Variants in PHLDB2 observed in about 807,000 individuals in gnomAD.
PHLDB2 encodes pleckstrin homology like domain family B member 2.
Under a neutral mutation model 123.6 loss-of-function variants are expected in PHLDB2, and 71 were observed. That is an observed-to-expected ratio of 0.57 (90% CI 0.47 to 0.70). The LOEUF (loss-of-function observed/expected upper bound fraction) is 0.70. Ranked by LOEUF, PHLDB2 falls within the 30% of genes least tolerant of loss-of-function variation. The pLI, the probability that PHLDB2 is intolerant of heterozygous loss-of-function variation, is 0.00. For missense variants in PHLDB2, 1,446 were observed against 1,519.5 expected (o/e 0.95, Z 0.80); for synonymous variants, 547 against 541.6 (o/e 1.01, Z -0.14).
At chr3:111,816,429 T>A (rs1403768232) in intron 1 of PHLDB2, among the ~76,000 whole-genome samples, 1 of 152,216 alleles carries the variant, frequency 6.6e-6, no homozygotes, top group African/African-American at 2.4e-5. Context: ...ACCTCTTGCA[T>A]CAGCGTGACC....
At chr3:111,886,712 A>G (rs568993294) in intron 2 of PHLDB2, among the ~76,000 whole-genome samples, 1 of 152,370 alleles carries the variant, frequency 6.6e-6, no homozygotes, top group East Asian at 1.9e-4. Flanking sequence ...GAATGAAAAC[A>G]AATGTGCATA....
intron 1 of PHLDB2, among the ~76,000 whole-genome samples, chr3:111,732,899 T>G (rs1430376669): frequency 6.6e-6 from 1 of 152,196 alleles, no homozygotes; most frequent in Non-Finnish European, 1.5e-5. Flanking sequence ...TTCTATCTCT[T>G]CTGAAAATTG....
At chr3:111,905,864 C>T (rs956727615) in intron 2 of PHLDB2, among the ~76,000 whole-genome samples, 7 of 151,680 alleles carry the variant, frequency 4.6e-5, no homozygotes, top group Admixed American at 4.6e-4. Flanking sequence ...TTACGTTTTT[C>T]AGGTTAGAGA....
At chr3:111,825,064 G>T (rs1034148971) in intron 1 of PHLDB2, among the ~76,000 whole-genome samples, 1 of 152,182 alleles carries the variant, frequency 6.6e-6, no homozygotes, top group Non-Finnish European at 1.5e-5. Flanking sequence ...CCCCTGAGAA[G>T]AAATTTTTGT....
intron 2 of PHLDB2, among the ~76,000 whole-genome samples, chr3:111,894,044 A>G (rs1238613786): frequency 4.0e-5 from 5 of 126,556 alleles, no homozygotes; most frequent in African/African-American, 5.8e-5. Context: ...ATATCTCCCA[A>G]TGCTATCCCT....
chr3:111,803,953 A>C (rs2061476054), intron 1 of PHLDB2, among the ~76,000 whole-genome samples: 2 of 152,222 alleles, frequency 1.3e-5, no homozygotes, highest in African/African-American at 2.4e-5. Context: ...TCATGTAATC[A>C]GTTGAAAACG....
chr3:111,747,612 C>T (rs910047430), intron 1 of PHLDB2, among the ~76,000 whole-genome samples: 1 of 152,094 alleles, frequency 6.6e-6, no homozygotes, highest in Admixed American at 6.5e-5. Flanking sequence ...GTTCTTCCCA[C>T]CCCCAATCCC....
In PHLDB2 at chr3:111,966,527, G is replaced by GTGTGTGTGT. The variant is rs1222251851; in HGVS notation, c.3078-86_3078-85insTGTGTGTGT. ...TGTGTGTGTGTGTGTGTGTGTCTGGGGTGTGTGTGTGTGTGTGTGTGTATG... is the reference window on the plus strand; with the variant it reads ...TGTGTGTGTGTGTGTGTGTGTCTGGGTGTGTGTGTGTGTGTGTGTGTGTGTGTGTGTATG... On this transcript the variant is annotated intron_variant, in intron 13 of 17. Transcript: ENST00000431670. 22 of 618,596 alleles carry GTGTGTGTGT rather than the reference G, an allele frequency of 3.6e-5. No homozygotes were observed. In the African/African-American group the frequency reaches 4.3e-4, roughly 12 times the overall value. The allele number at this position is 618,596 out of a possible 1,614,324, so 38.3% of individuals were successfully genotyped here.
At chr3:111,846,237 A>G in intron 2 of PHLDB2, 1 of 284,392 alleles carries the variant, frequency 3.5e-6, no homozygotes, top group Admixed American at 4.1e-5. Flanking sequence ...TCATTCAGAA[A>G]TCAAAGCCTG....
chr3:111,842,343 C>G (rs2063731902), intron 1 of PHLDB2, among the ~76,000 whole-genome samples: 1 of 152,176 alleles, frequency 6.6e-6, no homozygotes, highest in Admixed American at 6.5e-5. Flanking sequence ...CATCCTCACA[C>G]AAACATGGCC....
chr3:111,766,622 G>A (rs2060086160), intron 1 of PHLDB2, among the ~76,000 whole-genome samples: 3 of 152,090 alleles, frequency 2.0e-5, no homozygotes, highest in Admixed American at 6.5e-5. Flanking sequence ...GGACAACACA[G>A]TATTTTTACA....
chr3:111,739,738 G>A (rs539950185), intron 1 of PHLDB2, among the ~76,000 whole-genome samples: 197 of 152,180 alleles, frequency 1.3e-3, no homozygotes, highest in African/African-American at 4.1e-3. Context: ...GTTGCTAACT[G>A]GGTGCCTGTG....
At position 111,973,823 on chromosome 3, in the gene PHLDB2, C is replaced by A; in HGVS notation, c.3621+6C>A. On this transcript the variant is annotated splice_donor_region_variant and intron_variant, in intron 17 of 17. Transcript: ENST00000431670. ...ACCTCAAGAATGCTAATAAGGTAAA[C>A]ATCAGTTTTCTAAATTCCTACAATT... 1 of 1,521,114 alleles carries A rather than the reference C, an allele frequency of 6.6e-7. No homozygotes were observed. The highest frequency in any genetic ancestry group is 9.0e-7 in the Non-Finnish European group (1 of 1,109,858). The allele number at this position is 1,521,114 out of a possible 1,614,324, so 94.2% of individuals were successfully genotyped here. A position where few individuals can be genotyped will look rare whatever the true frequency, so the allele number is the denominator to read the frequency against.
intron 1 of PHLDB2, among the ~76,000 whole-genome samples, chr3:111,863,690 C>T (rs2064940588): frequency 1.3e-5 from 2 of 152,136 alleles, no homozygotes; most frequent in Admixed American, 6.5e-5. Flanking sequence ...TCTCCTGCAC[C>T]CACAGTCTCT....
Position 111,945,409 on chromosome 3 carries a change from G to A in PHLDB2, c.2487+52G>A, listed in dbSNP as rs377209880. The A allele has an allele frequency of 3.1e-5, 41 of 1,324,332 alleles. No homozygotes were observed. The African/African-American group carries it at 5.0e-4, about 16-fold the overall frequency. The allele number at this position is 1,324,332 out of a possible 1,614,324, so 82.0% of individuals were successfully genotyped here. A position where few individuals can be genotyped will look rare whatever the true frequency, so the allele number is the denominator to read the frequency against. On this transcript the variant is annotated intron_variant, in intron 9 of 17. Coordinates refer to ENST00000431670, the MANE Select transcript of PHLDB2 (RefSeq NM_001134438.2). ...TATGTTGCCTTAGAAATCAGGAGAT[G>A]TATTTCAGCTTTATTTGATTAGCTG...
chr3:111,941,136 A>T (rs146567795), intron 8 of PHLDB2, among the ~76,000 whole-genome samples: 297 of 152,308 alleles, frequency 1.9e-3, no homozygotes, highest in Non-Finnish European at 3.5e-3. Context: ...TAGAAACTCC[A>T]TATGGTATGG....
At chr3:111,772,895 G>A (rs2060202682) in intron 1 of PHLDB2, among the ~76,000 whole-genome samples, 1 of 152,134 alleles carries the variant, frequency 6.6e-6, no homozygotes, top group South Asian at 2.1e-4. Flanking sequence ...TGTGTATGAG[G>A]AATGCAATTT....
chr3:111,857,758 C>A (rs1439625382), upstream of PHLDB2, among the ~76,000 whole-genome samples: 1 of 152,108 alleles, frequency 6.6e-6, no homozygotes, highest in South Asian at 2.1e-4. Flanking sequence ...AACGAGATAC[C>A]ATCTCACGCC....
intron 1 of PHLDB2, among the ~76,000 whole-genome samples, chr3:111,807,019 C>T (rs1366794347): frequency 2.6e-5 from 4 of 151,370 alleles, no homozygotes; most frequent in East Asian, 1.9e-4. Flanking sequence ...ACACATTTGC[C>T]GATTCTCAGT....
Sources: allele counts gnomAD v4.1 joint callset (sites outside exome capture counted in the v4.1 genomes callset), GRCh38; gene constraint gnomAD v4.1.1; transcripts MANE v1.5; gene names NCBI Gene and HGNC (gene_info 2026-07-23, HGNC 2026-07-21).